ZNF211: variants seen among roughly 807,000 people sequenced by gnomAD.
ZNF211 encodes zinc finger protein 211, also known as zinc finger protein C2H2-25.
A neutral mutation model predicts 12.1 loss-of-function variants in ZNF211; 18 were observed. The ratio of observed to expected loss-of-function variants is 1.48; its 90% CI spans 1.03 to 2.20. ZNF211 has a LOEUF of 2.20. Among genes scored for constraint, ZNF211 ranks in the 30% most tolerant of loss-of-function variants. The pLI, the probability that ZNF211 is intolerant of heterozygous loss-of-function variation, is 0.00. For missense variants in ZNF211, 677 were observed against 703.1 expected (o/e 0.96, Z 0.42); for synonymous variants, 249 against 246.0 (o/e 1.01, Z -0.11).
intron 1 of ZNF211, chr19:57,633,700 C>T (rs1568636257): frequency 2.0e-6 from 3 of 1,533,578 alleles, no homozygotes; most frequent in African/African-American, 1.4e-5. Flanking sequence ...GAGAGATCTA[C>T]CTTTATTCTT....
At chr19:57,635,881 C>T (rs976351783) in intron 3 of ZNF211, among the ~76,000 whole-genome samples, 6 of 152,202 alleles carry the variant, frequency 3.9e-5, no homozygotes, top group East Asian at 1.9e-4. Context: ...TTTCTTCACA[C>T]CCTCACCATC....
Position 57,639,814 on chromosome 19 carries a change from T to G in ZNF211, c.257-890T>G, listed in dbSNP as rs537793860. 40 of 1,290,726 alleles carry G rather than the reference T, an allele frequency of 3.1e-5. 1 individual carries two copies. The South Asian group carries it at 6.3e-4, about 20-fold the overall frequency. 80.0% of individuals were successfully genotyped at this position (1,290,726 alleles called of 1,614,324 possible). A position where few individuals can be genotyped will look rare whatever the true frequency, so the allele number is the denominator to read the frequency against. On this transcript the variant is annotated intron_variant, in intron 3 of 3. Transcript: ENST00000240731. ...TAAAGTTACAACACTCTAACTTGAA[T>G]TTATACAAACTTAACTTCTTTAACT...
Position 57,642,392 on chromosome 19 carries a change from ATGT to A in ZNF211, c.*212_*214del. ...CTGCCATTTATGGCTCTTGCCGTTT[ATGT>A]CACTGACAGTTTCTGAGGCAGAAGC... On this transcript the variant is annotated 3_prime_UTR_variant, in exon 4 of 4. Transcript: ENST00000240731. 1.8e-6 allele frequency: 1 copy of A among 558,862 alleles called. No homozygotes were observed. The highest frequency in any genetic ancestry group is 3.1e-6 in the Non-Finnish European group (1 of 326,066). 34.6% of individuals were successfully genotyped at this position (558,862 alleles called of 1,614,324 possible).
rs553920723 is a variant in ZNF211 at position 57,640,573 on chromosome 19, C to A, written c.257-131C>A. 1.8e-5 allele frequency: 21 copies of A among 1,172,614 alleles called. No homozygotes were observed. In the African/African-American group the frequency reaches 2.6e-4, roughly 15 times the overall value. 72.6% of individuals were successfully genotyped at this position (1,172,614 alleles called of 1,614,324 possible). On this transcript the variant is annotated intron_variant, in intron 3 of 3. Coordinates refer to ENST00000240731, the MANE Select transcript of ZNF211 (RefSeq NM_006385.5). ...CACAACAGCTGCTTCCTCAACCTGA[C>A]CCCCCAACTCACTTTTCCTAAAAAC...
Position 57,642,047 on chromosome 19 carries a change from A to G in ZNF211, c.1600A>G (p.Ser534Gly). ...TGAATGTGGGAAATCCTTTAGCCAA[A>G]GTTCTAGCCTCATTCAACACCGCAG... is the stretch of plus-strand genomic sequence containing the variant. ...CSECGKSFSQ[S>G]SSLIQHRRVH... Residue 534 changes from serine (S) to glycine (G), a missense_variant, in exon 4 of 4, where the codon AGT becomes GGT. Transcript: ENST00000240731. 1 of 1,614,192 alleles carries G rather than the reference A, an allele frequency of 6.2e-7. No individual in the cohort carries two copies. The highest frequency in any genetic ancestry group is 8.5e-7 in the Non-Finnish European group (1 of 1,180,002).
intron 3 of ZNF211, among the ~76,000 whole-genome samples, chr19:57,636,487 T>C (rs1982159248): frequency 6.6e-6 from 1 of 152,164 alleles, no homozygotes; most frequent in Non-Finnish European, 1.5e-5. Context: ...TGTTAAAAAT[T>C]TGTCTTCTTT....
In ZNF211 at chr19:57,633,375, A is replaced by T. The variant is rs1216613572; in HGVS notation, c.29A>T (p.Gln10Leu). 1 of 1,601,700 alleles carries T rather than the reference A, an allele frequency of 6.2e-7. No individual in the cohort carries two copies. The highest frequency in any genetic ancestry group is 1.7e-4 in the Middle Eastern group (1 of 5,980). The change falls in exon 1 of 4, where the codon CAG (glutamine) becomes CTG (leucine). Residue 10 changes from glutamine (Q) to leucine (L), a missense_variant. By Grantham distance (113) the Gln-to-Leu change is moderately radical (BLOSUM62 -2). Transcript: ENST00000240731. MLGFPPGRP[Q>L]LPVQLRPQTR... ...CTCGGGTTCCCCCCGGGTCGCCCGC[A>T]GCTCCCGGTCCAGCTCCGCCCACAG...
Position 57,640,802 on chromosome 19 carries a change from T to C in ZNF211, c.355T>C (p.Ser119Pro). The C allele has an allele frequency of 6.2e-7, 1 of 1,614,234 alleles. No homozygotes were observed. The highest frequency in any genetic ancestry group is 8.5e-7 in the Non-Finnish European group (1 of 1,180,046). Reference protein sequence around the residue: ...QFRTSKEGSSSQNADSCEICC... With the variant: ...QFRTSKEGSSPQNADSCEICC... Reference sequence around the variant, plus strand: ...CAGGACTTCCAAAGAAGGTTCATCTTCCCAGAATGCCGACTCCTGTGAAAT... The same window carrying C: ...CAGGACTTCCAAAGAAGGTTCATCTCCCCAGAATGCCGACTCCTGTGAAAT... Residue 119 changes from serine to proline, a missense_variant, in exon 4 of 4, where the codon TCC becomes CCC. Transcript: ENST00000240731.
rs1460857773 is a variant in ZNF211 at position 57,640,567 on chromosome 19, A to G, written c.257-137A>G. On this transcript the variant is annotated intron_variant, in intron 3 of 3. Transcript: ENST00000240731. Reference sequence around the variant, plus strand: ...GTAATGCACAACAGCTGCTTCCTCAACCTGACCCCCCAACTCACTTTTCCT... The same window carrying G: ...GTAATGCACAACAGCTGCTTCCTCAGCCTGACCCCCCAACTCACTTTTCCT... 4 of 1,133,836 alleles carry G rather than the reference A, an allele frequency of 3.5e-6. No homozygotes were observed. In the South Asian group the frequency reaches 4.9e-5, roughly 14 times the overall value. The allele number at this position is 1,133,836 out of a possible 1,614,324, so 70.2% of individuals were successfully genotyped here.
At position 57,642,698 on chromosome 19, in the gene ZNF211, A is replaced by G. The variant is rs1302473121; in HGVS notation, c.*517A>G. 1 of 153,348 alleles carries G rather than the reference A, an allele frequency of 6.5e-6. No homozygotes were observed. The highest frequency in any genetic ancestry group is 2.4e-5 in the African/African-American group (1 of 41,452). 9.5% of individuals were successfully genotyped at this position (153,348 alleles called of 1,614,324 possible). On this transcript the variant is annotated 3_prime_UTR_variant, in exon 4 of 4. Transcript: ENST00000240731. ...TGGATTTTTTTCCAGCCTCTAAGTC[A>G]CCAACTTGGGAACTGCTTGTCTCAC...
At chr19:57,633,855 T>C (rs777510840) in intron 1 of ZNF211, 168 bp from the exon 2 acceptor site, 16 of 1,601,992 alleles carry the variant, frequency 1.0e-5, no homozygotes, top group Non-Finnish European at 1.4e-5. Flanking sequence ...TGAATATTTT[T>C]CCAAGGCCAC....
chr19:57,633,427 C>A lies in ZNF211; in HGVS notation c.81C>A (p.Asp27Glu), dbSNP rs1286423101. 3.1e-6 allele frequency: 5 copies of A among 1,600,062 alleles called. No individual in the cohort carries two copies. The Admixed American group carries it at 8.5e-5, about 27-fold the overall frequency. Residue 27 changes from aspartate to glutamate, a missense_variant, in exon 1 of 4, where the codon GAC (aspartate) becomes GAA (glutamate). Asp to Glu is a conservative substitution (Grantham distance 45). Coordinates refer to ENST00000240731, the MANE Select transcript of ZNF211 (RefSeq NM_006385.5). Reference protein sequence around the residue: ...PQTRMATALRDPASVPIATEV... With the variant: ...PQTRMATALREPASVPIATEV... ...CTCGGATGGCGACCGCACTGAGGGA[C>A]CCGGCTTCGGTGAGCGCTGCGATCT...
chr19:57,633,585 G>A, intron 1 of ZNF211, 149 bp downstream of exon 1: 1 of 1,514,696 alleles, frequency 6.6e-7, no homozygotes, highest in Non-Finnish European at 8.8e-7. Flanking sequence ...GGTGGGCAGG[G>A]GGACAAGGGA....
At position 57,640,996 on chromosome 19, in the gene ZNF211, C is replaced by T. The variant is rs754809773; in HGVS notation, c.549C>T (p.Ala183=). Residue 183 remains alanine (A), a synonymous_variant, in exon 4 of 4, where the codon GCC becomes GCT. Transcript: ENST00000240731. ...EAPFRSYVDT[A]SFTQSCIVHV... ...CTTTCAGAAGTTATGTGGACACTGC[C>T]TCGTTTACACAGAGTTGCATAGTCC... 1.9e-6 allele frequency: 3 copies of T among 1,614,082 alleles called. No individual in the cohort carries two copies. The highest frequency in any genetic ancestry group is 1.7e-5 in the Admixed American group (1 of 60,006).
Position 57,641,751 on chromosome 19 carries a change from A to G in ZNF211, c.1304A>G (p.Glu435Gly). Residue 435 changes from glutamate to glycine, a missense_variant, in exon 4 of 4, where the codon GAA (glutamate) becomes GGA (glycine). Transcript: ENST00000240731. The stretch of plus-strand genomic sequence containing the variant: ...CACCACCGGAGACTTCACACTGGAG[A>G]AAGACCCTATGAGTGCAGTAAATGT... ...LIHHRRLHTGERPYECSKCGK... is the reference protein window; with the variant it reads ...LIHHRRLHTGGRPYECSKCGK... 2 of 1,614,154 alleles carry G rather than the reference A, an allele frequency of 1.2e-6. No individual in the cohort carries two copies. The highest frequency in any genetic ancestry group is 1.7e-6 in the Non-Finnish European group (2 of 1,180,022).
intron 3 of ZNF211, among the ~76,000 whole-genome samples, chr19:57,637,422 T>G (rs1409855677): frequency 6.6e-6 from 1 of 152,006 alleles, no homozygotes; most frequent in African/African-American, 2.4e-5. Context: ...GCTGAGATGA[T>G]CGTTTTAATT....
Position 57,633,192 on chromosome 19 carries a change from C to T in ZNF211, c.-155C>T, listed in dbSNP as rs769074682. ...CAGGGCGGGACTTGTGGCGTCTTCG[C>T]AGCGGTCATTTTGGCTGCCCTCCCG... On this transcript the variant is annotated 5_prime_UTR_variant, in exon 1 of 4. Transcript: ENST00000240731. The T allele has an allele frequency of 1.9e-4, 130 of 678,712 alleles. No individual in the cohort carries two copies. Among genetic ancestry groups the T allele is most frequent in the Non-Finnish European group, 2.8e-4 (120 of 431,030 alleles). The allele number at this position is 678,712 out of a possible 1,614,324, so 42.0% of individuals were successfully genotyped here.
chr19:57,642,143 A>C lies in ZNF211; in HGVS notation c.1696A>C (p.Ile566Leu), dbSNP rs754752621. 1 of 1,613,328 alleles carries C rather than the reference A, an allele frequency of 6.2e-7. No individual in the cohort carries two copies. Among genetic ancestry groups the C allele is most frequent in the Non-Finnish European group, 8.5e-7 (1 of 1,179,400 alleles). Residue 566 changes from isoleucine to leucine, a missense_variant, in exon 4 of 4, where the codon ATT (isoleucine) becomes CTT (leucine). By Grantham distance (5) the Ile-to-Leu change is conservative. Coordinates refer to ENST00000240731, the MANE Select transcript of ZNF211 (RefSeq NM_006385.5). Reference sequence around the variant, plus strand: ...ATCCTTTGGCTGCAAATCTGTCCTCATTCAACACCAGAGAGTTCACATTGG... The same window carrying C: ...ATCCTTTGGCTGCAAATCTGTCCTCCTTCAACACCAGAGAGTTCACATTGG... ...GKSFGCKSVLIQHQRVHIGEK... is the reference protein window; with the variant it reads ...GKSFGCKSVLLQHQRVHIGEK...
In ZNF211 at chr19:57,639,171, C is replaced by G. The variant is rs1050658476; in HGVS notation, c.257-1533C>G. On this transcript the variant is annotated intron_variant, in intron 3 of 3. Coordinates refer to ENST00000240731, the MANE Select transcript of ZNF211 (RefSeq NM_006385.5). Reference sequence around the variant, plus strand: ...TTTTATTTTAACCCATTCTGCCAATCTTTGTCTTTTGGCAGAGTTTAAGCT... The same window carrying G: ...TTTTATTTTAACCCATTCTGCCAATGTTTGTCTTTTGGCAGAGTTTAAGCT... Among the ~76,000 whole-genome samples, 4 of 152,014 alleles carry G rather than the reference C, an allele frequency of 2.6e-5. 1 individual carries two copies. The Middle Eastern group carries it at 0.01, about 388-fold the overall frequency.
Sources: gnomAD v4.1 joint callset for allele counts (sites outside exome capture counted in the v4.1 genomes callset) on GRCh38, gnomAD v4.1.1 for gene constraint, MANE v1.5 for transcripts, NCBI Gene and HGNC (gene_info 2026-07-23, HGNC 2026-07-21) for gene names.